The following CNTN4 variants were observed in gnomAD, a reference collection of about 807,000 sequenced individuals.
CNTN4 encodes the protein contactin-4.
A neutral mutation model predicts 122.5 loss-of-function variants in CNTN4; 77 were observed. The ratio of observed to expected loss-of-function variants is 0.63; its 90% CI spans 0.52 to 0.76. The LOEUF (loss-of-function observed/expected upper bound fraction) is 0.76. Among genes scored for constraint, CNTN4 ranks in the 30% least tolerant of loss-of-function variants. The probability of loss-of-function intolerance (pLI) is 0.00; values close to 1 mark genes in which losing one functional copy is unlikely to be tolerated. For missense variants in CNTN4, 1,256 were observed against 1,259.1 expected (o/e 1.00, Z 0.04); for synonymous variants, 512 against 447.0 (o/e 1.15, Z -1.83).
At chr3:2,193,662 T>G (rs1381566417) in intron 2 of CNTN4, among the ~76,000 whole-genome samples, 1 of 152,214 alleles carries the variant, frequency 6.6e-6, no homozygotes, top group Non-Finnish European at 1.5e-5. Context: ...ATAATGATGT[T>G]TCTGTCAGTA....
chr3:2,507,161 G>A (rs988744822), intron 3 of CNTN4, among the ~76,000 whole-genome samples: 6 of 151,892 alleles, frequency 4.0e-5, no homozygotes, highest in African/African-American at 2.4e-5. Context: ...TCAGTTCTTC[G>A]GTATTCCAAC....
At chr3:2,735,138 A>G (rs1279263738) in intron 4 of CNTN4, among the ~76,000 whole-genome samples, 2 of 152,208 alleles carry the variant, frequency 1.3e-5, no homozygotes, top group Non-Finnish European at 2.9e-5. Flanking sequence ...AGTGTACTCT[A>G]TGTTAGGTGC....
rs1422567263 is a variant in CNTN4 at position 2,798,397 on chromosome 3, C to CTATCTATCTATCTATCTATCTATA, written c.359-21076_359-21075insATCTATCTATATATCTATCTATCT. Among the ~76,000 whole-genome samples, 1,362 of 148,024 alleles carry CTATCTATCTATCTATCTATCTATA rather than the reference C, an allele frequency of 9.2e-3. 9 individuals carry two copies. Among genetic ancestry groups the CTATCTATCTATCTATCTATCTATA allele is most frequent in the Middle Eastern group, 0.014 (4 of 282 alleles). The stretch of plus-strand genomic sequence containing the variant: ...TCTATCTATCTATCTATCTATATAT[C>CTATCTATCTATCTATCTATCTATA]TATCTATCTATCTCCCATTTTCTTT... On this transcript the variant is annotated intron_variant, in intron 6 of 24. Transcript: ENST00000418658.
chr3:2,133,198 G>T (rs1248265870), intron 2 of CNTN4, among the ~76,000 whole-genome samples: 1 of 152,086 alleles, frequency 6.6e-6, no homozygotes. Context: ...ATTAATTCTA[G>T]CTTTAGTTAC....
chr3:2,664,995 C>A (rs959628567), intron 4 of CNTN4, among the ~76,000 whole-genome samples: 1 of 152,082 alleles, frequency 6.6e-6, no homozygotes, highest in African/African-American at 2.4e-5. Context: ...CTCTGAAATA[C>A]CAATAACAAC....
At chr3:2,126,819 T>C (rs185085226) in intron 2 of CNTN4, among the ~76,000 whole-genome samples, 1 of 152,120 alleles carries the variant, frequency 6.6e-6, no homozygotes, top group Admixed American at 6.5e-5. Flanking sequence ...CTACTGGGGG[T>C]TTATCAAAAG....
chr3:2,137,930 C>T (rs1337512170), intron 2 of CNTN4, among the ~76,000 whole-genome samples: 2 of 152,120 alleles, frequency 1.3e-5, no homozygotes, highest in Admixed American at 6.5e-5. Flanking sequence ...AATTCAGAGC[C>T]CTGGGGACAG....
At chr3:2,498,587 C>T (rs1235157121) in intron 3 of CNTN4, among the ~76,000 whole-genome samples, 1 of 151,726 alleles carries the variant, frequency 6.6e-6, no homozygotes, top group Non-Finnish European at 1.5e-5. Context: ...CTCAAATGAC[C>T]CTCCCACCTC....
chr3:2,179,884 A>T lies in CNTN4; in HGVS notation c.-145+79245A>T, dbSNP rs545025500. Among the ~76,000 whole-genome samples the T allele has an allele frequency of 4.9e-4, 74 of 152,156 alleles. 2 individuals carry two copies. In the South Asian group the frequency reaches 0.015, roughly 31 times the overall value. ...AAAATTAATATTAGTAATATATTTTATGTAAAATAATCATTACTTCATAGG... is the reference window on the plus strand; with the variant it reads ...AAAATTAATATTAGTAATATATTTTTTGTAAAATAATCATTACTTCATAGG... On this transcript the variant is annotated intron_variant, in intron 2 of 24. Coordinates refer to ENST00000418658, the MANE Select transcript of CNTN4 (RefSeq NM_175607.3).
At chr3:2,274,918 A>G (rs2041443071) in intron 2 of CNTN4, among the ~76,000 whole-genome samples, 1 of 152,188 alleles carries the variant, frequency 6.6e-6, no homozygotes, top group South Asian at 2.1e-4. Flanking sequence ...ATCCATCTTG[A>G]TACTGTGTCA....
chr3:2,553,477 G>C (rs766383756), intron 3 of CNTN4, among the ~76,000 whole-genome samples: 1 of 152,116 alleles, frequency 6.6e-6, no homozygotes, highest in Non-Finnish European at 1.5e-5. Flanking sequence ...TCTAGTCAAA[G>C]GACTGCCTTG....
At chr3:2,559,849 A>G (rs983229578) in intron 3 of CNTN4, among the ~76,000 whole-genome samples, 2 of 152,198 alleles carry the variant, frequency 1.3e-5, no homozygotes, top group Admixed American at 1.3e-4. Flanking sequence ...TCATAGGCAA[A>G]TAAACCTAGA....
At chr3:2,920,819 C>A (rs1226426546) in intron 12 of CNTN4, among the ~76,000 whole-genome samples, 1 of 140,882 alleles carries the variant, frequency 7.1e-6, no homozygotes, top group Non-Finnish European at 1.6e-5. Context: ...CATAATAACG[C>A]CCAAAGGAAT....
intron 4 of CNTN4, among the ~76,000 whole-genome samples, chr3:2,655,088 T>A (rs1056602722): frequency 3.3e-5 from 5 of 152,202 alleles, no homozygotes; most frequent in African/African-American, 1.2e-4. Context: ...TCACTTATTC[T>A]CTGAAGGGTC....
At chr3:2,240,240 T>C (rs2039877716) in intron 2 of CNTN4, among the ~76,000 whole-genome samples, 1 of 152,180 alleles carries the variant, frequency 6.6e-6, no homozygotes, top group South Asian at 2.1e-4. Context: ...TTTCATATTG[T>C]GGGGTTAGAT....
intron 4 of CNTN4, among the ~76,000 whole-genome samples, chr3:2,595,288 C>G (rs547372155): frequency 1.3e-5 from 2 of 152,240 alleles, no homozygotes; most frequent in South Asian, 4.1e-4. Flanking sequence ...AGATATTATC[C>G]TTAGTTTTCA....
At chr3:2,307,797 T>A (rs1304485484) in intron 2 of CNTN4, among the ~76,000 whole-genome samples, 2 of 133,948 alleles carry the variant, frequency 1.5e-5, no homozygotes, top group Non-Finnish European at 3.1e-5. Context: ...TTGAATAATC[T>A]GTTGTGGTCA....
At chr3:2,471,575 CT>C (rs1401255061) in intron 3 of CNTN4, among the ~76,000 whole-genome samples, 1 of 152,116 alleles carries the variant, frequency 6.6e-6, no homozygotes, top group Non-Finnish European at 1.5e-5. Flanking sequence ...GAATAGTGCC[CT>C]TTTAATCTTA....
chr3:2,671,933 A>G (rs1043108053), intron 4 of CNTN4, among the ~76,000 whole-genome samples: 1 of 124,628 alleles, frequency 8.0e-6, no homozygotes, highest in Non-Finnish European at 1.7e-5. Flanking sequence ...AACAGCAAAT[A>G]TTGCTGAACA....
Sources: gnomAD v4.1 joint callset for allele counts (sites outside exome capture counted in the v4.1 genomes callset) on GRCh38, gnomAD v4.1.1 for gene constraint, MANE v1.5 for transcripts, NCBI Gene and HGNC (gene_info 2026-07-23, HGNC 2026-07-21) for gene names.